The following CAPZB variants were observed in gnomAD, a reference collection of about 807,000 sequenced individuals.
The protein encoded by CAPZB is capping actin protein of muscle Z-line subunit beta.
In CAPZB, 2 loss-of-function variants were observed where a neutral mutation model predicts 38.1. The ratio of observed to expected loss-of-function variants is 0.05; its 90% CI spans 0.02 to 0.17. CAPZB has a LOEUF of 0.17. Ranked by LOEUF, CAPZB falls within the 10% of genes least tolerant of loss-of-function variation. CAPZB has a pLI of 1.00. For synonymous variants in CAPZB, 107 were observed against 127.4 expected (o/e 0.84, Z 1.08); for missense variants, 161 against 334.2 (o/e 0.48, Z 4.04).
intron 2 of CAPZB, among the ~76,000 whole-genome samples, chr1:19,416,788 G>A (rs974160152): frequency 1.4e-5 from 2 of 140,560 alleles, no homozygotes; most frequent in African/African-American, 5.2e-5. Flanking sequence ...GAGCCCAGGA[G>A]TTTAGGAGGC....
At chr1:19,388,682 A>C (rs927742955) in intron 2 of CAPZB, among the ~76,000 whole-genome samples, 1 of 152,218 alleles carries the variant, frequency 6.6e-6, no homozygotes, top group Non-Finnish European at 1.5e-5. Context: ...GAGCCACAGC[A>C]TTGGTGGAAA....
intron 1 of CAPZB, among the ~76,000 whole-genome samples, chr1:19,463,757 C>T (rs2094559914): frequency 6.6e-6 from 1 of 152,226 alleles, no homozygotes; most frequent in South Asian, 2.1e-4. Context: ...ACTTCATATG[C>T]ATCTTCTCAT....
At chr1:19,359,953 T>C (rs956992282) in intron 4 of CAPZB, among the ~76,000 whole-genome samples, 10 of 152,222 alleles carry the variant, frequency 6.6e-5, no homozygotes, top group African/African-American at 2.4e-4. Flanking sequence ...ATGAGTGTTT[T>C]GGTCCAGGGC....
At chr1:19,444,050 CAG>C (rs1458784393) in intron 1 of CAPZB, among the ~76,000 whole-genome samples, 2 of 152,270 alleles carry the variant, frequency 1.3e-5, no homozygotes, top group East Asian at 3.9e-4. Flanking sequence ...CCCAGCTACT[CAG>C]GGGGCTGAGG....
intron 1 of CAPZB, among the ~76,000 whole-genome samples, chr1:19,436,675 G>GTT (rs765246158): frequency 0.23 from 35,219 of 151,888 alleles, 4,405 homozygotes; most frequent in Non-Finnish European, 0.28. Context: ...CATAGCTAAG[G>GTT]AGGGACAACT....
chr1:19,484,698 A>G (rs1244644428), intron 1 of CAPZB: 1 of 1,117,298 alleles, frequency 9.0e-7, no homozygotes. Flanking sequence ...GGCAGGGGGC[A>G]GGACCCTGAT....
intron 6 of CAPZB, among the ~76,000 whole-genome samples, chr1:19,352,699 GA>G (rs1262698624): frequency 6.6e-6 from 1 of 152,248 alleles, no homozygotes; most frequent in Non-Finnish European, 1.5e-5. Flanking sequence ...CCTTCACTCC[GA>G]CAGCCTCACT....
intron 1 of CAPZB, among the ~76,000 whole-genome samples, chr1:19,441,014 C>A (rs574077069): frequency 2.0e-5 from 3 of 152,058 alleles, no homozygotes; most frequent in African/African-American, 7.2e-5. Context: ...GAGCTGAGAT[C>A]GTGCCACTGC....
chr1:19,482,228 C>T (rs1483690655), intron 1 of CAPZB, among the ~76,000 whole-genome samples: 1 of 152,246 alleles, frequency 6.6e-6, no homozygotes, highest in African/African-American at 2.4e-5. Flanking sequence ...TCTCAAGCCA[C>T]TGATCACTGC....
At chr1:19,401,595 G>T (rs1351337727) in intron 2 of CAPZB, among the ~76,000 whole-genome samples, 2 of 152,138 alleles carry the variant, frequency 1.3e-5, no homozygotes, top group Non-Finnish European at 2.9e-5. Context: ...GAGAAGCCAG[G>T]GTGGATCCTC....
rs930930872 is a variant in CAPZB, at chr1:19,341,046, G to T, written c.732-1429C>A. On this transcript the variant is annotated intron_variant, in intron 8 of 8. Transcript: ENST00000264202. Reference sequence around the variant, plus strand: ...GCAACAGCACCCAGACTGAGTTCTGGCTACCGAATCCCTACAAGTCACAGG... The same window carrying T: ...GCAACAGCACCCAGACTGAGTTCTGTCTACCGAATCCCTACAAGTCACAGG... Among the ~76,000 whole-genome samples the T allele has an allele frequency of 5.9e-5, 9 of 152,164 alleles. 1 individual carries two copies. The highest frequency in any genetic ancestry group is 2.2e-4 in the African/African-American group (9 of 41,420).
chr1:19,354,291 T>C (rs1176068940), intron 6 of CAPZB, among the ~76,000 whole-genome samples: 2 of 152,146 alleles, frequency 1.3e-5, no homozygotes, highest in East Asian at 1.9e-4. Context: ...CCAGAACCCT[T>C]CGCCTCCCAT....
chr1:19,360,262 C>G (rs1194586792), intron 4 of CAPZB, among the ~76,000 whole-genome samples: 1 of 152,208 alleles, frequency 6.6e-6, no homozygotes, highest in Admixed American at 6.5e-5. Flanking sequence ...TGGCTTGGTT[C>G]TAGCACACCG....
At chr1:19,457,962 G>T (rs1558280455) in intron 1 of CAPZB, among the ~76,000 whole-genome samples, 2 of 152,116 alleles carry the variant, frequency 1.3e-5, no homozygotes, top group Non-Finnish European at 2.9e-5. Context: ...AAGCAATGAT[G>T]GTTGTAAGGA....
intron 1 of CAPZB, among the ~76,000 whole-genome samples, chr1:19,473,070 A>G (rs1294258399): frequency 6.6e-6 from 1 of 152,122 alleles, no homozygotes; most frequent in Non-Finnish European, 1.5e-5. Context: ...AAACTGAGGG[A>G]GTCACCTAAG....
At chr1:19,474,388 T>G (rs964641358) in intron 1 of CAPZB, among the ~76,000 whole-genome samples, 2 of 152,134 alleles carry the variant, frequency 1.3e-5, no homozygotes, top group Non-Finnish European at 2.9e-5. Context: ...GGCTGAGACA[T>G]GAAGTGACTA....
Position 19,372,332 on chromosome 1 carries a change from G to A in CAPZB, c.329+6208C>T, listed in dbSNP as rs3790765. Among the ~76,000 whole-genome samples, 210 of 152,300 alleles carry A rather than the reference G, an allele frequency of 1.4e-3. 4 individuals carry two copies. In the East Asian group the frequency reaches 0.037, roughly 27 times the overall value. The stretch of plus-strand genomic sequence containing the variant: ...AAGAGCCAAGGACTTCAGAGCATTG[G>A]GCGAGATGTCTGGCGCAGATGGGAG... On this transcript the variant is annotated intron_variant, in intron 4 of 8. Transcript: ENST00000264202.
chr1:19,367,139 A>C (rs753085953), intron 4 of CAPZB, among the ~76,000 whole-genome samples: 2 of 152,260 alleles, frequency 1.3e-5, no homozygotes, highest in Non-Finnish European at 2.9e-5. Flanking sequence ...AGTGGGCACA[A>C]TGTTGCAAAG....
At chr1:19,425,195 C>G (rs1452582279) in intron 1 of CAPZB, among the ~76,000 whole-genome samples, 1 of 152,242 alleles carries the variant, frequency 6.6e-6, no homozygotes, top group Non-Finnish European at 1.5e-5. Flanking sequence ...AAAACTCTGA[C>G]TGGTCCAGGC....
Sources: allele counts gnomAD v4.1 joint callset (sites outside exome capture counted in the v4.1 genomes callset), GRCh38; gene constraint gnomAD v4.1.1; transcripts MANE v1.5; gene names NCBI Gene and HGNC (gene_info 2026-07-23, HGNC 2026-07-21).